Variants in GRM5 observed in about 807,000 individuals in gnomAD.
GRM5 encodes metabotropic glutamate receptor 5.
In GRM5, 19 loss-of-function variants were observed where a neutral mutation model predicts 83.1. The ratio of observed to expected loss-of-function variants is 0.23; its 90% CI spans 0.16 to 0.34. The LOEUF (loss-of-function observed/expected upper bound fraction) is 0.34, where lower values mean the gene tolerates loss of function less well. Ranked by LOEUF, GRM5 falls within the 10% of genes least tolerant of loss-of-function variation. The probability of loss-of-function intolerance (pLI) is 1.00; values close to 1 mark genes in which losing one functional copy is unlikely to be tolerated. For synonymous variants in GRM5, 675 were observed against 633.6 expected (o/e 1.07, Z -0.98); for missense variants, 1,160 against 1,588.3 (o/e 0.73, Z 4.58).
intron 3 of GRM5, among the ~76,000 whole-genome samples, chr11:88,712,208 G>C (rs769797522): frequency 2.6e-5 from 4 of 151,940 alleles, no homozygotes; most frequent in Non-Finnish European, 5.9e-5. Flanking sequence ...GTAATATATT[G>C]TAAAAAATTA....
chr11:88,944,160 T>C (rs1650734389), intron 2 of GRM5, among the ~76,000 whole-genome samples: 1 of 151,956 alleles, frequency 6.6e-6, no homozygotes, highest in Non-Finnish European at 1.5e-5. Context: ...AATTTTACTC[T>C]GAAAGAATAA....
rs181679189 is a variant in GRM5, at chr11:89,052,490, C to T, written c.-200-4418G>A. 3.0e-3 allele frequency among the ~76,000 whole-genome samples: 462 copies of T among 152,220 alleles called. 2 individuals carry two copies. Among genetic ancestry groups the T allele is most frequent in the African/African-American group, 9.9e-3 (411 of 41,536 alleles). ...AAGACTTATATATTTCAGAGAAAAA[C>T]GTATCCGATTCACATGGAAGATACT... On this transcript the variant is annotated intron_variant, in intron 1 of 9. Coordinates refer to ENST00000305447, the MANE Select transcript of GRM5 (RefSeq NM_001143831.3).
In GRM5 at chr11:88,504,689, A is replaced by G. The variant is rs1435942113; in HGVS notation, c.*3903T>C. 1 of 152,188 alleles carries G rather than the reference A, an allele frequency of 6.6e-6. No homozygotes were observed. The highest frequency in any genetic ancestry group is 2.4e-5 in the African/African-American group (1 of 41,456). 9.4% of individuals were successfully genotyped at this position (152,188 alleles called of 1,614,324 possible). On this transcript the variant is annotated 3_prime_UTR_variant, in exon 10 of 10. Coordinates refer to ENST00000305447, the MANE Select transcript of GRM5 (RefSeq NM_001143831.3). ...AAGTATATTTTGAAGTGCTAAAATA[A>G]AACATATTTATACAAGTACAAAGCA...
At chr11:89,037,397 CA>C (rs1941417797) in intron 2 of GRM5, among the ~76,000 whole-genome samples, 2 of 151,862 alleles carry the variant, frequency 1.3e-5, no homozygotes, top group South Asian at 4.2e-4. Context: ...TACCATTTAC[CA>C]AAATTATACC....
chr11:88,664,575 T>G (rs1266008950), intron 3 of GRM5, among the ~76,000 whole-genome samples: 2 of 152,108 alleles, frequency 1.3e-5, no homozygotes, highest in Non-Finnish European at 2.9e-5. Flanking sequence ...GCCTCCTCAG[T>G]AGCAGGGACT....
chr11:88,918,442 A>T lies in GRM5; in HGVS notation c.662-68287T>A, dbSNP rs141788853. Among the ~76,000 whole-genome samples, 1,375 of 151,952 alleles carry T rather than the reference A, an allele frequency of 9.0e-3. 26 individuals carry two copies. Among genetic ancestry groups the T allele is most frequent in the East Asian group, 0.071 (365 of 5,176 alleles). On this transcript the variant is annotated intron_variant, in intron 2 of 9. Transcript: ENST00000305447. ...AACTTAAAGTATAATAATAATAAAT[A>T]AATTAATTTAAAAAAAAACCTGAGG... is the stretch of plus-strand genomic sequence containing the variant.
chr11:88,988,724 G>T (rs1251794545), intron 2 of GRM5, among the ~76,000 whole-genome samples: 1 of 150,932 alleles, frequency 6.6e-6, no homozygotes, highest in African/African-American at 2.4e-5. Context: ...TTAAAGAAAA[G>T]AATTTTCAAC....
At chr11:88,509,552 G>C in intron 9 of GRM5, 48 bp from the exon 10 acceptor site, 4 of 1,442,198 alleles carry the variant, frequency 2.8e-6, no homozygotes, top group East Asian at 2.4e-5. Context: ...GTGCCCAGGG[G>C]GCTTGGATGC....
chr11:88,831,846 C>A (rs953226502), intron 3 of GRM5, among the ~76,000 whole-genome samples: 3 of 152,170 alleles, frequency 2.0e-5, no homozygotes, highest in Non-Finnish European at 4.4e-5. Context: ...ACCTACCTGC[C>A]CAATGCAAAG....
chr11:88,926,179 T>G (rs541205816), intron 2 of GRM5, among the ~76,000 whole-genome samples: 3 of 152,236 alleles, frequency 2.0e-5, no homozygotes, highest in Non-Finnish European at 4.4e-5. Context: ...GTCTTACAGA[T>G]AAGGTCACAA....
chr11:88,956,338 A>G (rs1169109660), intron 2 of GRM5, among the ~76,000 whole-genome samples: 1 of 152,226 alleles, frequency 6.6e-6, no homozygotes, highest in Non-Finnish European at 1.5e-5. Flanking sequence ...CACTGATTCT[A>G]ATTAAGTGAA....
At chr11:89,031,208 G>A (rs1246034776) in intron 2 of GRM5, among the ~76,000 whole-genome samples, 1 of 152,010 alleles carries the variant, frequency 6.6e-6, no homozygotes, top group East Asian at 1.9e-4. Context: ...TAAGCCAGTA[G>A]TAAGATGAGT....
chr11:88,690,223 T>G (rs1383816308), intron 3 of GRM5, among the ~76,000 whole-genome samples: 1 of 111,922 alleles, frequency 8.9e-6, no homozygotes, highest in African/African-American at 2.6e-5. Flanking sequence ...TTAAATCAAC[T>G]TTTTTTATTA....
chr11:88,736,920 T>C (rs1941926554), intron 3 of GRM5, among the ~76,000 whole-genome samples: 1 of 152,078 alleles, frequency 6.6e-6, no homozygotes, highest in Admixed American at 6.6e-5. Context: ...GTGCTGTGCC[T>C]CAGCAGGCTT....
intron 3 of GRM5, among the ~76,000 whole-genome samples, chr11:88,709,178 C>T (rs1430503978): frequency 1.3e-5 from 2 of 151,884 alleles, no homozygotes; most frequent in Non-Finnish European, 2.9e-5. Flanking sequence ...GGAGGAGTTG[C>T]TTAGTGATAT....
At chr11:88,571,349 A>T (rs1942997123) in intron 7 of GRM5, among the ~76,000 whole-genome samples, 1 of 152,172 alleles carries the variant, frequency 6.6e-6, no homozygotes, top group Non-Finnish European at 1.5e-5. Flanking sequence ...ATATTAAATG[A>T]ATGCTTCTTT....
intron 2 of GRM5, among the ~76,000 whole-genome samples, chr11:89,000,504 T>C (rs1940343101): frequency 6.6e-6 from 1 of 152,094 alleles, no homozygotes; most frequent in East Asian, 1.9e-4. Flanking sequence ...TCATCATCAG[T>C]GGGCAAAGAA....
At chr11:88,638,939 C>G (rs568388429) in intron 4 of GRM5, among the ~76,000 whole-genome samples, 307 of 151,464 alleles carry the variant, frequency 2.0e-3, no homozygotes, top group Non-Finnish European at 3.6e-3. Context: ...ATTGAATTTT[C>G]TCTATTGTGT....
At position 88,754,926 on chromosome 11, in the gene GRM5, A is replaced by G. The variant is rs574005270; in HGVS notation, c.911+94980T>C. On this transcript the variant is annotated intron_variant, in intron 3 of 9. Coordinates refer to ENST00000305447, the MANE Select transcript of GRM5 (RefSeq NM_001143831.3). ...AAAGACTTCAGCTTATTTTTGGGTCATCACTCATAGGCTGTGCAGCTCTGA... is the reference window on the plus strand; with the variant it reads ...AAAGACTTCAGCTTATTTTTGGGTCGTCACTCATAGGCTGTGCAGCTCTGA... Among the ~76,000 whole-genome samples, 16 of 152,226 alleles carry G rather than the reference A, an allele frequency of 1.1e-4. No individual in the cohort carries two copies. The East Asian group carries it at 3.1e-3, about 29-fold the overall frequency.
Sources: gnomAD v4.1 joint callset for allele counts (sites outside exome capture counted in the v4.1 genomes callset) on GRCh38, gnomAD v4.1.1 for gene constraint, MANE v1.5 for transcripts, NCBI Gene and HGNC (gene_info 2026-07-23, HGNC 2026-07-21) for gene names.